The following CENPC variants were observed in gnomAD, a reference collection of about 807,000 sequenced individuals.
The protein encoded by CENPC is CENP-C 1.
CENPC carries 63 observed loss-of-function variants against 112.1 expected under a neutral mutation model. The observed-to-expected ratio is 0.56, with a 90% CI of 0.46 to 0.69. The LOEUF (loss-of-function observed/expected upper bound fraction) is 0.69, where lower values mean the gene tolerates loss of function less well. CENPC is among the 30% of genes least tolerant of loss of function. The probability of loss-of-function intolerance (pLI) is 0.00; values close to 1 mark genes in which losing one functional copy is unlikely to be tolerated. For missense variants in CENPC, 1,000 were observed against 1,103.8 expected (o/e 0.91, Z 1.33); for synonymous variants, 333 against 367.6 (o/e 0.91, Z 1.08).
chr4:67,477,043 C>T (rs1377290661), intron 17 of CENPC, among the ~76,000 whole-genome samples: 1 of 152,152 alleles, frequency 6.6e-6, no homozygotes, highest in Non-Finnish European at 1.5e-5. Context: ...AGCTCAGACA[C>T]ACCTAATCAA....
rs1183343070 is a variant in CENPC at position 67,471,226 on chromosome 4, A to G, written c.*1379T>C. The G allele has an allele frequency of 3.9e-5, 6 of 152,196 alleles. No homozygotes were observed. Among genetic ancestry groups the G allele is most frequent in the Non-Finnish European group, 7.3e-5 (5 of 68,042 alleles). The allele number at this position is 152,196 out of a possible 1,614,324, so 9.4% of individuals were successfully genotyped here. On this transcript the variant is annotated 3_prime_UTR_variant, in exon 19 of 19. Coordinates refer to ENST00000273853, the MANE Select transcript of CENPC (RefSeq NM_001812.4). ...ATAAATATTGAAATAAAGAACTTAAAAACTGAGCACAGACAGCAATAACTT... is the reference window on the plus strand; with the variant it reads ...ATAAATATTGAAATAAAGAACTTAAGAACTGAGCACAGACAGCAATAACTT...
chr4:67,528,474 T>C (rs531919618), intron 5 of CENPC, among the ~76,000 whole-genome samples: 15 of 152,266 alleles, frequency 9.9e-5, no homozygotes, highest in African/African-American at 3.6e-4. Context: ...TAAATCACCA[T>C]TACCCCCTAC....
rs1328206037 is a variant in CENPC at position 67,470,249 on chromosome 4, C to T, written c.*2356G>A. On this transcript the variant is annotated 3_prime_UTR_variant, in exon 19 of 19. Coordinates refer to ENST00000273853, the MANE Select transcript of CENPC (RefSeq NM_001812.4). The stretch of plus-strand genomic sequence containing the variant: ...GCAGAATGGAGAGCCTTTGCTGAAC[C>T]ATATGGGCTTTCAGTTTAGACAAAG... 1 of 152,160 alleles carries T rather than the reference C, an allele frequency of 6.6e-6. No homozygotes were observed. Among genetic ancestry groups the T allele is most frequent in the Non-Finnish European group, 1.5e-5 (1 of 68,140 alleles). 9.4% of individuals were successfully genotyped at this position (152,160 alleles called of 1,614,324 possible). A position where few individuals can be genotyped will look rare whatever the true frequency, so the allele number is the denominator to read the frequency against.
rs1268183413 is a variant in CENPC at position 67,530,891 on chromosome 4, T to C, written c.255A>G (p.Ser85=). The change falls in exon 5 of 19, where the codon TCA becomes TCG. Residue 85 remains serine, a synonymous_variant. Transcript: ENST00000273853. ...CTTTCTTCTTTGAAGAAACTGGAAC[T>C]GACTTTGGATGTGATTTCTGGCACT... ...SKECQKSHPK[S]VPVSSKKKEA... The C allele has an allele frequency of 6.3e-7, 1 of 1,598,758 alleles. No homozygotes were observed. Among genetic ancestry groups the C allele is most frequent in the Admixed American group, 1.7e-5 (1 of 58,196 alleles).
chr4:67,528,198 G>A (rs957818242), intron 5 of CENPC, among the ~76,000 whole-genome samples: 2 of 152,040 alleles, frequency 1.3e-5, no homozygotes, highest in Non-Finnish European at 2.9e-5. Flanking sequence ...TTAAAAAAAT[G>A]TTCAGAATAG....
intron 17 of CENPC, among the ~76,000 whole-genome samples, chr4:67,478,729 A>C (rs1016735389): frequency 2.6e-5 from 4 of 152,066 alleles, no homozygotes; most frequent in Non-Finnish European, 5.9e-5. Context: ...CTCAATACTA[A>C]CATTGAATAT....
chr4:67,541,622 T>C (rs1385664442), intron 2 of CENPC, among the ~76,000 whole-genome samples: 1 of 152,196 alleles, frequency 6.6e-6, no homozygotes, highest in African/African-American at 2.4e-5. Flanking sequence ...ATTATCACAA[T>C]CAGGATACTG....
At position 67,470,778 on chromosome 4, in the gene CENPC, C is replaced by T. The variant is rs918103907; in HGVS notation, c.*1827G>A. 6.6e-6 allele frequency: 1 copy of T among 152,058 alleles called. No individual in the cohort carries two copies. Among genetic ancestry groups the T allele is most frequent in the Non-Finnish European group, 1.5e-5 (1 of 68,034 alleles). The allele number at this position is 152,058 out of a possible 1,614,324, so 9.4% of individuals were successfully genotyped here. A position where few individuals can be genotyped will look rare whatever the true frequency, so the allele number is the denominator to read the frequency against. On this transcript the variant is annotated 3_prime_UTR_variant, in exon 19 of 19. Coordinates refer to ENST00000273853, the MANE Select transcript of CENPC (RefSeq NM_001812.4). ...CCGTAAGAGGAGTCTTGATTTACAG[C>T]AGAGGTATAAACCTACAACTTTGTA...
rs770290499 is a variant in CENPC, at chr4:67,492,942, C to T, written c.2346G>A (p.Lys782=). 2 of 1,558,890 alleles carry T rather than the reference C, an allele frequency of 1.3e-6. No homozygotes were observed. Among genetic ancestry groups the T allele is most frequent in the South Asian group, 1.2e-5 (1 of 84,154 alleles). The change falls in exon 15 of 19, where the codon AAG becomes AAA. Residue 782 remains lysine (K), a synonymous_variant. Transcript: ENST00000273853. ...LSPDTISSKR[K]AKENIGKVNK... is the part of the protein sequence containing the mutation. The stretch of plus-strand genomic sequence containing the variant: ...TGACTTTTCCAATATTTTCTTTTGC[C>T]TTCCTTTTAGACGATATTGTGTCTG...
intron 17 of CENPC, among the ~76,000 whole-genome samples, chr4:67,480,644 G>A (rs1048520851): frequency 1.3e-5 from 2 of 152,124 alleles, no homozygotes; most frequent in African/African-American, 4.8e-5. Context: ...GAGTCAATAC[G>A]CAAGTCAATA....
At chr4:67,520,579 C>G (rs1726196327) in intron 5 of CENPC, among the ~76,000 whole-genome samples, 2 of 152,166 alleles carry the variant, frequency 1.3e-5, no homozygotes, top group Admixed American at 1.3e-4. Context: ...ACATGGACAT[C>G]AAAAGGCATC....
Position 67,530,849 on chromosome 4 carries a change from A to G in CENPC, c.297T>C (p.Phe99=). The G allele has an allele frequency of 1.9e-6, 3 of 1,605,592 alleles. No individual in the cohort carries two copies. Among genetic ancestry groups the G allele is most frequent in the Non-Finnish European group, 2.6e-6 (3 of 1,175,612 alleles). ...SSKKKEASLQ[F]VVEPSEATNR... ...TTGTGGCTTCACTTGGTTCTACAAC[A>G]AACTGTAGAGAGGCTTCTTTCTTCT... The change falls in exon 5 of 19, where the codon TTT becomes TTC. Residue 99 remains phenylalanine, a synonymous_variant. Coordinates refer to ENST00000273853, the MANE Select transcript of CENPC (RefSeq NM_001812.4).
intron 12 of CENPC, among the ~76,000 whole-genome samples, chr4:67,500,181 GT>G (rs2109787407): frequency 6.6e-6 from 1 of 151,596 alleles, no homozygotes; most frequent in South Asian, 2.1e-4. Context: ...AAAAAAAATG[GT>G]GCCAATAAGG....
intron 17 of CENPC, among the ~76,000 whole-genome samples, chr4:67,475,764 A>G (rs751617106): frequency 4.6e-5 from 7 of 152,002 alleles, no homozygotes; most frequent in Middle Eastern, 3.2e-3. Context: ...GCGCCTGGCT[A>G]ATTTTTTTTT....
intron 5 of CENPC, among the ~76,000 whole-genome samples, chr4:67,520,223 T>C (rs762479666): frequency 6.6e-5 from 10 of 152,080 alleles, no homozygotes; most frequent in Non-Finnish European, 1.0e-4. Context: ...ACTACCTGCA[T>C]TGGCAAAGCA....
intron 4 of CENPC, among the ~76,000 whole-genome samples, chr4:67,537,718 C>T (rs139245704): frequency 0.015 from 2,206 of 152,082 alleles, 31 homozygotes; most frequent in Middle Eastern, 0.024. Context: ...ATTTGTACCC[C>T]GGAGGCAGAG....
At chr4:67,505,153 T>G in intron 12 of CENPC, 52 bp downstream of exon 12, 1 of 1,264,136 alleles carries the variant, frequency 7.9e-7, no homozygotes, top group Non-Finnish European at 1.1e-6. Flanking sequence ...CACTCCTTAC[T>G]CCATATTCAT....
At chr4:67,537,040 A>AG (rs1415255095) in intron 4 of CENPC, among the ~76,000 whole-genome samples, 6 of 151,186 alleles carry the variant, frequency 4.0e-5, no homozygotes, top group Admixed American at 1.3e-4. Flanking sequence ...AAAAAAAAAA[A>AG]AAAAAGATAA....
chr4:67,496,729 C>T (rs548679444), intron 12 of CENPC, among the ~76,000 whole-genome samples: 3 of 152,166 alleles, frequency 2.0e-5, no homozygotes, highest in South Asian at 2.1e-4. Flanking sequence ...AAATGAAAGT[C>T]GGCTACTAAA....
Sources: gnomAD v4.1 joint callset for allele counts (sites outside exome capture counted in the v4.1 genomes callset) on GRCh38, gnomAD v4.1.1 for gene constraint, MANE v1.5 for transcripts, NCBI Gene and HGNC (gene_info 2026-07-23, HGNC 2026-07-21) for gene names.